CFAP44: variants seen among roughly 807,000 people sequenced by gnomAD.
The protein encoded by CFAP44 is cilia and flagella associated protein 44.
In CFAP44, 134 loss-of-function variants were observed where a neutral mutation model predicts 216.2. The observed-to-expected ratio is 0.62, with a 90% confidence interval of 0.54 to 0.72. The LOEUF is 0.72. Among genes scored for constraint, CFAP44 ranks in the 30% least tolerant of loss-of-function variants. The pLI is 0.00. For missense variants in CFAP44, 2,035 were observed against 2,182.1 expected (o/e 0.93, Z 1.34); for synonymous variants, 700 against 727.6 (o/e 0.96, Z 0.61).
intron 22 of CFAP44, among the ~76,000 whole-genome samples, chr3:113,347,815 G>A (rs927215336): frequency 1.3e-5 from 2 of 152,062 alleles, no homozygotes; most frequent in African/African-American, 4.8e-5. Context: ...CATTTTGGGG[G>A]CATAACATCT....
At position 113,339,427 on chromosome 3, in the gene CFAP44, G is replaced by T. The variant is rs548807341; in HGVS notation, c.3437+2317C>A. On this transcript the variant is annotated intron_variant, in intron 24 of 34. Transcript: ENST00000393845. ...ACTTTCCACCCCTTATCCCTGAGCT[G>T]GCCATAGGTACCACTGCGGTATGTA... Among the ~76,000 whole-genome samples, 3 of 152,286 alleles carry T rather than the reference G, an allele frequency of 2.0e-5. No homozygotes were observed. In the South Asian group the frequency reaches 6.2e-4, roughly 32 times the overall value.
chr3:113,338,631 A>G (rs2107817050), intron 24 of CFAP44, among the ~76,000 whole-genome samples: 1 of 152,278 alleles, frequency 6.6e-6, no homozygotes, highest in South Asian at 2.1e-4. Context: ...ATTGAAAAGT[A>G]ACATAACATC....
At chr3:113,343,024 G>GT (rs1223554678) in intron 23 of CFAP44, among the ~76,000 whole-genome samples, 1 of 146,162 alleles carries the variant, frequency 6.8e-6, no homozygotes, top group Non-Finnish European at 1.5e-5. Flanking sequence ...AAAAATGGCT[G>GT]TATCAACTAA....
At chr3:113,337,319 T>C (rs1209488589) in intron 24 of CFAP44, among the ~76,000 whole-genome samples, 1 of 151,864 alleles carries the variant, frequency 6.6e-6, no homozygotes, top group African/African-American at 2.4e-5. Flanking sequence ...TCTAAATAAA[T>C]GGAAAGTCAT....
rs112734753 is a variant in CFAP44 at position 113,396,645 on chromosome 3, A to G, written c.1652T>C (p.Leu551Pro). 6.2e-7 allele frequency: 1 copy of G among 1,614,146 alleles called. No homozygotes were observed. The highest frequency in any genetic ancestry group is 8.5e-7 in the Non-Finnish European group (1 of 1,180,014). The change falls in exon 14 of 35, where the codon CTC becomes CCC. Residue 551 changes from leucine to proline, a missense_variant. This residue lies in a region of CFAP44 where 1,883 missense variants were observed against 2,023.7 expected (regional missense o/e 0.93). Coordinates refer to ENST00000393845, the MANE Select transcript of CFAP44 (RefSeq NM_001164496.2). ...RILELYDPKG[L>P]TIFAGRKKIL... ...TTTCTTCCGTCCCGCAAAAATCGTG[A>G]GCCCTTTTGGATCATAAAGTTCAAG...
chr3:113,424,660 G>T (rs1278744336), intron 4 of CFAP44, among the ~76,000 whole-genome samples: 1 of 152,070 alleles, frequency 6.6e-6, no homozygotes, highest in African/African-American at 2.4e-5. Flanking sequence ...TTTATTCAAG[G>T]CCCAAAAAGC....
At chr3:113,363,346 C>T (rs749659118) in intron 20 of CFAP44, 39 bp from the exon 21 acceptor site, 1 of 1,579,184 alleles carries the variant, frequency 6.3e-7, no homozygotes, top group South Asian at 1.2e-5. Context: ...GGTTGTGATA[C>T]AGAAACAGCA....
intron 18 of CFAP44, among the ~76,000 whole-genome samples, chr3:113,370,897 T>C (rs1329955747): frequency 1.3e-5 from 2 of 151,506 alleles, no homozygotes; most frequent in African/African-American, 4.9e-5. Context: ...GGATACAAAA[T>C]CAATGTACAA....
chr3:113,430,949 G>A (rs926070435), intron 2 of CFAP44, among the ~76,000 whole-genome samples: 6 of 152,164 alleles, frequency 3.9e-5, no homozygotes, highest in African/African-American at 1.4e-4. Context: ...GGATGGTTTA[G>A]CTGGTACACT....
intron 22 of CFAP44, among the ~76,000 whole-genome samples, chr3:113,355,606 C>A (rs1168367996): frequency 1.3e-5 from 2 of 152,114 alleles, no homozygotes; most frequent in Non-Finnish European, 2.9e-5. Flanking sequence ...TCTCAGCAAA[C>A]TATCACAAGG....
intron 30 of CFAP44, among the ~76,000 whole-genome samples, chr3:113,305,455 A>G (rs1949976375): frequency 6.6e-6 from 1 of 152,202 alleles, no homozygotes; most frequent in Non-Finnish European, 1.5e-5. Flanking sequence ...GCAGCCCATC[A>G]GCATGGAATG....
chr3:113,416,218 A>T (rs892020652), intron 6 of CFAP44, among the ~76,000 whole-genome samples: 1 of 151,224 alleles, frequency 6.6e-6, no homozygotes, highest in Non-Finnish European at 1.5e-5. Flanking sequence ...TACTTGGTAA[A>T]TTTTCCTCCA....
chr3:113,426,395 G>T, intron 3 of CFAP44, 118 bp from the exon 4 acceptor site: 1 of 1,106,036 alleles, frequency 9.0e-7, no homozygotes, highest in Non-Finnish European at 1.3e-6. Context: ...CCTGGTAGGA[G>T]GTAATTGAAT....
At chr3:113,381,452 C>T (rs948509072) in intron 15 of CFAP44, among the ~76,000 whole-genome samples, 3 of 152,290 alleles carry the variant, frequency 2.0e-5, no homozygotes, top group East Asian at 1.9e-4. Context: ...GTGTGGATGG[C>T]GTAGTCAGTC....
At position 113,396,604 on chromosome 3, in the gene CFAP44, T is replaced by C; in HGVS notation, c.1693A>G (p.Ile565Val). The C allele has an allele frequency of 9.9e-6, 16 of 1,614,136 alleles. No homozygotes were observed. The highest frequency in any genetic ancestry group is 1.4e-5 in the Non-Finnish European group (16 of 1,180,006). ...AGRKKILDADIQLKQVFKPHT... is the reference protein window; with the variant it reads ...AGRKKILDADVQLKQVFKPHT... ...GGTTTGAAAACCTGTTTCAACTGAATATCAGCATCCAAAATTTTCTTCCGT... is the reference window on the plus strand; with the variant it reads ...GGTTTGAAAACCTGTTTCAACTGAACATCAGCATCCAAAATTTTCTTCCGT... Residue 565 changes from isoleucine to valine, a missense_variant, in exon 14 of 35, where the codon ATT becomes GTT. By Grantham distance (29) the Ile-to-Val change is conservative (BLOSUM62 3). Transcript: ENST00000393845.
At chr3:113,416,680 T>C (rs1934657421) in intron 5 of CFAP44, 53 bp from the exon 6 acceptor site, 1 of 1,295,052 alleles carries the variant, frequency 7.7e-7, no homozygotes, top group Non-Finnish European at 1.1e-6. Flanking sequence ...TTTGTATAAA[T>C]AGTCTGATTA....
At chr3:113,312,904 G>A (rs1950053424) in intron 28 of CFAP44, among the ~76,000 whole-genome samples, 1 of 152,192 alleles carries the variant, frequency 6.6e-6, no homozygotes. Flanking sequence ...TACCCAGGCA[G>A]AAGTTTGCTG....
At chr3:113,380,135 C>T (rs771681329) in intron 16 of CFAP44, among the ~76,000 whole-genome samples, 134 of 152,242 alleles carry the variant, frequency 8.8e-4, no homozygotes, top group Middle Eastern at 3.4e-3. Flanking sequence ...GCACTGCACC[C>T]ACTAACTCGT....
At chr3:113,410,472 A>ATGAAC (rs1383119895) in intron 6 of CFAP44, among the ~76,000 whole-genome samples, 2 of 152,232 alleles carry the variant, frequency 1.3e-5, no homozygotes, top group African/African-American at 4.8e-5. Context: ...TGCAAAGGAC[A>ATGAAC]TGAACTCATC....
Sources: allele counts gnomAD v4.1 joint callset (sites outside exome capture counted in the v4.1 genomes callset), GRCh38; gene constraint gnomAD v4.1.1; regional missense constraint gnomAD v4.1.1; transcripts MANE v1.5; gene names NCBI Gene and HGNC (gene_info 2026-07-23, HGNC 2026-07-21).